CFAP57: variants seen among roughly 807,000 people sequenced by gnomAD.
CFAP57 encodes the protein cilia- and flagella-associated protein 57.
Under a neutral mutation model 146.8 loss-of-function variants are expected in CFAP57, and 116 were observed. The observed-to-expected ratio is 0.79, with a 90% confidence interval of 0.68 to 0.92. The LOEUF is 0.92. Ranked by LOEUF, CFAP57 falls within the 40% of genes least tolerant of loss-of-function variation. The pLI is 0.00. For synonymous variants in CFAP57, 518 were observed against 552.8 expected (o/e 0.94, Z 0.88); for missense variants, 1,377 against 1,527.2 (o/e 0.90, Z 1.64).
chr1:43,189,067 G>T (rs892438117), intron 6 of CFAP57, among the ~76,000 whole-genome samples: 1 of 152,186 alleles, frequency 6.6e-6, no homozygotes, highest in African/African-American at 2.4e-5. Flanking sequence ...TGACACATGG[G>T]TTTGTTTCAG....
chr1:43,225,311 G>A (rs1294040595), intron 17 of CFAP57, among the ~76,000 whole-genome samples: 5 of 152,164 alleles, frequency 3.3e-5, no homozygotes, highest in African/African-American at 9.7e-5. Flanking sequence ...GGGTCAGCAC[G>A]CTCTTTCTGT....
At chr1:43,210,180 C>T (rs1017413000) in intron 11 of CFAP57, 7 of 1,545,558 alleles carry the variant, frequency 4.5e-6, no homozygotes, top group South Asian at 2.3e-5. Context: ...AATAAGGGGC[C>T]GTTTGGTGGA....
rs953320341 is a variant in CFAP57, at chr1:43,238,907, T to C, written c.3405+4269T>C. Among the ~76,000 whole-genome samples, 3 of 152,118 alleles carry C rather than the reference T, an allele frequency of 2.0e-5. No individual in the cohort carries two copies. The highest frequency in any genetic ancestry group is 7.2e-5 in the African/African-American group (3 of 41,426). Reference sequence around the variant, plus strand: ...TCACAAGGTTGGTGTAAGGATGAACTGAGGGACTGTATGCATGCTGTTTGA... The same window carrying C: ...TCACAAGGTTGGTGTAAGGATGAACCGAGGGACTGTATGCATGCTGTTTGA... On this transcript the variant is annotated intron_variant, in intron 21 of 22. Transcript: ENST00000372492. The surrounding 1 kb of genome is among the most constrained non-coding windows in gnomAD (Gnocchi z 4.3).
At chr1:43,186,983 G>C in intron 6 of CFAP57, 124 bp downstream of exon 6, 5 of 1,133,168 alleles carry the variant, frequency 4.4e-6, no homozygotes, top group Non-Finnish European at 6.4e-6. Context: ...CCTTAATACA[G>C]AGCAAAACAA....
rs1347934565 is a variant in CFAP57 at position 43,234,410 on chromosome 1, C to T, written c.3258C>T (p.Asp1086=). 6.5e-7 allele frequency: 1 copy of T among 1,547,448 alleles called. No homozygotes were observed. Among genetic ancestry groups the T allele is most frequent in the Non-Finnish European group, 8.7e-7 (1 of 1,145,456 alleles). Residue 1086 remains aspartate, a synonymous_variant, in exon 20 of 23, where the codon GAC becomes GAT. Coordinates refer to ENST00000372492, the MANE Select transcript of CFAP57 (RefSeq NM_001378189.1). ...GLFEKYVQRA[D]MVEIAGLNTD... is the part of the protein sequence containing the mutation. ...TTGAGAAGTACGTGCAGCGAGCAGA[C>T]ATGGTAAGCTCAGCCTCCCCTCCTG...
At chr1:43,180,223 T>TTATA (rs1289107795) in intron 2 of CFAP57, among the ~76,000 whole-genome samples, 3,105 of 137,354 alleles carry the variant, frequency 0.023, 120 homozygotes, top group South Asian at 0.069. Context: ...TATATATATT[T>TTATA]TATATATATA....
At chr1:43,219,295 G>T in intron 12 of CFAP57, 87 bp from the exon 13 acceptor site, 4 of 1,365,700 alleles carry the variant, frequency 2.9e-6, no homozygotes, top group Non-Finnish European at 2.9e-6. Flanking sequence ...AGGCAGAGCT[G>T]CAGGTCTCAG....
chr1:43,208,642 C>T (rs1310624083), intron 10 of CFAP57, among the ~76,000 whole-genome samples: 2 of 151,920 alleles, frequency 1.3e-5, no homozygotes, highest in African/African-American at 2.4e-5. Context: ...CGGGGCCTGT[C>T]GTGGGATGGG....
chr1:43,198,772 A>G lies in CFAP57; in HGVS notation c.1428+126A>G, dbSNP rs1477006108. 4.2e-6 allele frequency: 4 copies of G among 960,982 alleles called. No homozygotes were observed. In the East Asian group the frequency reaches 1.0e-4, roughly 25 times the overall value. 59.5% of individuals were successfully genotyped at this position (960,982 alleles called of 1,614,324 possible). A position where few individuals can be genotyped will look rare whatever the true frequency, so the allele number is the denominator to read the frequency against. On this transcript the variant is annotated intron_variant, in intron 8 of 22. Coordinates refer to ENST00000372492, the MANE Select transcript of CFAP57 (RefSeq NM_001378189.1). ...TCTTGGAGAACTACAGTGGCTTAAA[A>G]AAAGGGGGAAGGAGGAAATCCAGTT...
chr1:43,245,478 C>G (rs577960028), intron 22 of CFAP57, among the ~76,000 whole-genome samples: 9 of 152,244 alleles, frequency 5.9e-5, no homozygotes, highest in African/African-American at 2.2e-4. Flanking sequence ...GAAGTCTAAT[C>G]AATTCCTGGG....
intron 2 of CFAP57, among the ~76,000 whole-genome samples, chr1:43,179,512 T>C (rs1645304834): frequency 1.3e-5 from 2 of 152,270 alleles, no homozygotes; most frequent in South Asian, 4.1e-4. Context: ...AGGCAGGTTG[T>C]GTAATTCAAA....
At chr1:43,176,106 C>A (rs1052394504) in intron 2 of CFAP57, among the ~76,000 whole-genome samples, 24 of 152,046 alleles carry the variant, frequency 1.6e-4, no homozygotes, top group Non-Finnish European at 2.9e-5. Flanking sequence ...AAATTCTACC[C>A]ATATATTCTA....
At position 43,199,376 on chromosome 1, in the gene CFAP57, G is replaced by A. The variant is rs764427986; in HGVS notation, c.1429-14G>A. ...CTTCCTGCTTGCTTGCTCTCTTGCT[G>A]TCTTTCCCTATAGTGTTCCTTTAGC... is the stretch of plus-strand genomic sequence containing the variant. On this transcript the variant is annotated splice_polypyrimidine_tract_variant and intron_variant, in intron 8 of 22. Coordinates refer to ENST00000372492, the MANE Select transcript of CFAP57 (RefSeq NM_001378189.1). 2.5e-6 allele frequency: 4 copies of A among 1,612,972 alleles called. No individual in the cohort carries two copies. In the Admixed American group the frequency reaches 6.7e-5, roughly 27 times the overall value.
intron 2 of CFAP57, among the ~76,000 whole-genome samples, chr1:43,181,324 G>A (rs926540842): frequency 2.0e-5 from 3 of 152,008 alleles, no homozygotes; most frequent in African/African-American, 4.8e-5. Flanking sequence ...TGCCCACCTC[G>A]GCCCCCTGAA....
chr1:43,227,168 GTC>G, intron 18 of CFAP57, 42 bp downstream of exon 18: 1 of 1,470,192 alleles, frequency 6.8e-7, no homozygotes, highest in South Asian at 1.4e-5. Flanking sequence ...CAGACCCTCT[GTC>G]TCTTCTTCCA....
At chr1:43,206,142 ATAAAGACAGGGTTTCACTATGT>A in intron 9 of CFAP57, among the ~76,000 whole-genome samples, 1 of 152,084 alleles carries the variant, frequency 6.6e-6, no homozygotes, top group South Asian at 2.1e-4. Context: ...TTTTATTTTT[ATAAAGACAGGGTTTCACTATGT>A]TACCCAGGCT....
rs1644552896 is a variant in CFAP57, at chr1:43,210,423, A to G, written c.1929+507A>G. 6 of 1,176,040 alleles carry G rather than the reference A, an allele frequency of 5.1e-6. No homozygotes were observed. In the South Asian group the frequency reaches 1.2e-4, roughly 23 times the overall value. 72.9% of individuals were successfully genotyped at this position (1,176,040 alleles called of 1,614,324 possible). A position where few individuals can be genotyped will look rare whatever the true frequency, so the allele number is the denominator to read the frequency against. ...CAACAGTCAAAATGTGGAAGCAACC[A>G]AGCATCCATCGACAGACGAATGCAT... On this transcript the variant is annotated intron_variant, in intron 11 of 22. Coordinates refer to ENST00000372492, the MANE Select transcript of CFAP57 (RefSeq NM_001378189.1).
chr1:43,219,359 ATCCT>A lies in CFAP57; in HGVS notation c.2092-20_2092-17del. ...GTCACCCTTACTGTCAGTGTTCTTGATCCTTCTGTCCTTCTCCCAAAGGCTCAGG... is the reference window on the plus strand; with the variant it reads ...GTCACCCTTACTGTCAGTGTTCTTGATCTGTCCTTCTCCCAAAGGCTCAGG... On this transcript the variant is annotated intron_variant, in intron 12 of 22. Transcript: ENST00000372492. 1 of 1,541,242 alleles carries A rather than the reference ATCCT, an allele frequency of 6.5e-7. No individual in the cohort carries two copies. Among genetic ancestry groups the A allele is most frequent in the Non-Finnish European group, 8.8e-7 (1 of 1,141,734 alleles).
chr1:43,249,369 TGA>T (rs1319952597), intron 22 of CFAP57, among the ~76,000 whole-genome samples: 2 of 151,224 alleles, frequency 1.3e-5, no homozygotes, highest in African/African-American at 4.8e-5. Flanking sequence ...TTCTGAAAAC[TGA>T]GATATTAGAC....
Sources: gnomAD v4.1 joint callset for allele counts (sites outside exome capture counted in the v4.1 genomes callset) on GRCh38, gnomAD v4.1.1 for gene constraint, Gnocchi (gnomAD v3.1) non-coding constraint, MANE v1.5 for transcripts, NCBI Gene and HGNC (gene_info 2026-07-23, HGNC 2026-07-21) for gene names.